Variants in KCNT1 observed in about 807,000 individuals in gnomAD.
The protein encoded by KCNT1 is potassium channel subfamily T member 1.
A neutral mutation model predicts 147.8 loss-of-function variants in KCNT1; 78 were observed. That is an observed-to-expected ratio of 0.53 (90% CI 0.44 to 0.64). KCNT1 has a LOEUF of 0.64. Ranked by LOEUF, KCNT1 falls within the 30% of genes least tolerant of loss-of-function variation. KCNT1 has a pLI of 0.00. For missense variants in KCNT1, 1,419 were observed against 1,750.3 expected (o/e 0.81, Z 3.38); for synonymous variants, 867 against 748.8 (o/e 1.16, Z -2.58).
At chr9:135,768,346 G>T in intron 13 of KCNT1, 1 of 116,650 alleles carries the variant, frequency 8.6e-6, no homozygotes, top group Non-Finnish European at 1.5e-5. Flanking sequence ...ATGTGGGTTG[G>T]GGGGGGGGGG....
In KCNT1 at chr9:135,749,645, C is replaced by T. The variant is rs550740829; in HGVS notation, c.255-453C>T. ...GCGGCCTCCAGACAGAGCAGCTGAC[C>T]ATCAGCTGTGGACAGCCTGTATGAC... is the stretch of plus-strand genomic sequence containing the variant. On this transcript the variant is annotated intron_variant, in intron 2 of 30. Coordinates refer to ENST00000371757, the MANE Select transcript of KCNT1 (RefSeq NM_020822.3). 3.3e-5 allele frequency among the ~76,000 whole-genome samples: 5 copies of T among 152,362 alleles called. No individual in the cohort carries two copies. In the East Asian group the frequency reaches 9.6e-4, roughly 29 times the overall value.
intron 7 of KCNT1, 35 bp downstream of exon 7, chr9:135,756,967 GTCCCCACCCTCCCCACCC>G (rs141511626): frequency 5.6e-6 from 7 of 1,239,818 alleles, no homozygotes; most frequent in South Asian, 2.6e-5. Context: ...CTCACAGGGG[GTCCCCACCCTCCCCACCC>G]TCCCCAGCCT....
At chr9:135,721,166 A>G (rs989332679) in intron 2 of KCNT1, among the ~76,000 whole-genome samples, 1 of 151,888 alleles carries the variant, frequency 6.6e-6, no homozygotes, top group Non-Finnish European at 1.5e-5. Context: ...GTGGCCCCCA[A>G]CGCTCTCGGC....
intron 2 of KCNT1, among the ~76,000 whole-genome samples, chr9:135,746,390 G>A (rs957232135): frequency 2.0e-5 from 3 of 152,236 alleles, no homozygotes; most frequent in Non-Finnish European, 4.4e-5. Flanking sequence ...TGTTTCTGGG[G>A]TGCCAGGAGG....
At chr9:135,771,273 GCAGGGCGGGAGA>G in intron 18 of KCNT1, 178 bp downstream of exon 18, 1 of 632,844 alleles carries the variant, frequency 1.6e-6, no homozygotes, top group Non-Finnish European at 2.7e-6. Context: ...GGGAGACCAG[GCAGGGCGGGAGA>G]CCAGGTGGGA....
intron 2 of KCNT1, among the ~76,000 whole-genome samples, chr9:135,746,189 C>T (rs1422909882): frequency 2.0e-5 from 3 of 152,226 alleles, no homozygotes; most frequent in East Asian, 3.9e-4. Flanking sequence ...TCTCTGGCAT[C>T]GCAGGCTCCA....
At position 135,752,214 on chromosome 9, in the gene KCNT1, GAGA is replaced by G; in HGVS notation, c.434+1176_434+1178del. On this transcript the variant is annotated intron_variant, in intron 4 of 30. Transcript: ENST00000371757. This position sits in a 1 kb window ranked among gnomAD's most constrained non-coding sequence, Gnocchi z 5.1. Reference sequence around the variant, plus strand: ...TGCGCAGAGCAGGTTCTTCCCTGGAGAGAAGGCCTGACTGCCGGGAGCCTGGCT... The same window carrying G: ...TGCGCAGAGCAGGTTCTTCCCTGGAGAGGCCTGACTGCCGGGAGCCTGGCT... 2 of 379,466 alleles carry G rather than the reference GAGA, an allele frequency of 5.3e-6. No homozygotes were observed. Among genetic ancestry groups the G allele is most frequent in the Non-Finnish European group, 1.0e-5 (2 of 192,472 alleles). 23.5% of individuals were successfully genotyped at this position (379,466 alleles called of 1,614,324 possible).
intron 2 of KCNT1, among the ~76,000 whole-genome samples, chr9:135,748,106 T>C (rs1214442267): frequency 6.6e-6 from 1 of 152,186 alleles, no homozygotes; most frequent in Non-Finnish European, 1.5e-5. Flanking sequence ...CATGCCTGGC[T>C]ACTTTTTATT....
intron 2 of KCNT1, among the ~76,000 whole-genome samples, chr9:135,736,115 GGGTGAGGACCCT>G (rs974827262): frequency 6.6e-6 from 1 of 152,202 alleles, no homozygotes; most frequent in Non-Finnish European, 1.5e-5. Context: ...AGGAATTGGG[GGGTGAGGACCCT>G]GGTGAGGACA....
Position 135,786,258 on chromosome 9 carries a change from G to GCTCCCGCGC in KCNT1, c.3240_3248dup (p.Ser1081_Ala1083dup). ...ACACGGGAAGTGAAGGGGCCCTGGGGCTCCCGCGCTGGCACCGGAGGCAGC... is the reference window on the plus strand; with the variant it reads ...ACACGGGAAGTGAAGGGGCCCTGGGGCTCCCGCGCCTCCCGCGCTGGCACCGGAGGCAGC... On this transcript the variant is annotated inframe_insertion, in exon 29 of 31. Coordinates refer to ENST00000371757, the MANE Select transcript of KCNT1 (RefSeq NM_020822.3). The GCTCCCGCGC allele has an allele frequency of 6.2e-6, 10 of 1,610,928 alleles. No individual in the cohort carries two copies. The highest frequency in any genetic ancestry group is 7.6e-6 in the Non-Finnish European group (9 of 1,179,308).
rs1324000032 is a variant in KCNT1, at chr9:135,779,383, C to T, written c.2754C>T (p.Thr918=). The change falls in exon 24 of 31, where the codon ACC becomes ACT. Residue 918 remains threonine, a synonymous_variant. Transcript: ENST00000371757. ...GGCTCTTCCCCAGCCTCAGCATCAC[C>T]ACGGAGCTCACCCACCCTTCCAACA... ...MFRLFPSLSI[T]TELTHPSNMR... The T allele has an allele frequency of 3.1e-6, 5 of 1,613,696 alleles. No homozygotes were observed. The highest frequency in any genetic ancestry group is 4.2e-6 in the Non-Finnish European group (5 of 1,179,914).
At chr9:135,783,885 C>G (rs1432519395) in intron 24 of KCNT1, 139 bp from the exon 25 acceptor site, 2 of 671,098 alleles carry the variant, frequency 3.0e-6, no homozygotes, top group African/African-American at 3.5e-5. Flanking sequence ...TACACGTGGA[C>G]ACACACACCA....
At position 135,749,804 on chromosome 9, in the gene KCNT1, G is replaced by A. The variant is rs11103160; in HGVS notation, c.255-294G>A. 0.12 allele frequency among the ~76,000 whole-genome samples: 18,540 copies of A among 152,218 alleles called. 1,302 individuals carry two copies. The highest frequency in any genetic ancestry group is 0.18 in the South Asian group (871 of 4,828). Reference sequence around the variant, plus strand: ...GGCGAGGGTGTGTGGAGTGAGTGCCGCACCCTGAGCCCCAACAGGGCGGCC... The same window carrying A: ...GGCGAGGGTGTGTGGAGTGAGTGCCACACCCTGAGCCCCAACAGGGCGGCC... On this transcript the variant is annotated intron_variant, in intron 2 of 30. Transcript: ENST00000371757.
chr9:135,753,082 GTGGA>G (rs1008922967), intron 4 of KCNT1, among the ~76,000 whole-genome samples: 1 of 151,142 alleles, frequency 6.6e-6, no homozygotes, highest in Non-Finnish European at 1.5e-5. Context: ...GGATGGATGA[GTGGA>G]TGGATGGAGG....
intron 2 of KCNT1, among the ~76,000 whole-genome samples, chr9:135,734,030 C>T (rs1006369355): frequency 1.3e-5 from 2 of 152,144 alleles, no homozygotes; most frequent in African/African-American, 4.8e-5. Context: ...CCCCTGTCCT[C>T]TGTCCAGCCC....
intron 2 of KCNT1, among the ~76,000 whole-genome samples, chr9:135,719,369 G>A (rs893074591): frequency 3.3e-5 from 5 of 152,204 alleles, no homozygotes; most frequent in African/African-American, 1.2e-4. Context: ...GCAGACTCTG[G>A]TCTGTGGCAG....
chr9:135,759,787 G>C lies in KCNT1; in HGVS notation c.963G>C (p.Thr321=), dbSNP rs760300415. 2 of 1,613,376 alleles carry C rather than the reference G, an allele frequency of 1.2e-6. No homozygotes were observed. The highest frequency in any genetic ancestry group is 4.5e-5 in the East Asian group (2 of 44,882). ...TFSTVGYGDV[T]PKIWPSQLLV... ...CCACCGTGGGCTACGGTGACGTCACGCCCAAGATCTGGCCATCGCAGCTGC... is the reference window on the plus strand; with the variant it reads ...CCACCGTGGGCTACGGTGACGTCACCCCCAAGATCTGGCCATCGCAGCTGC... The change falls in exon 11 of 31, where the codon ACG becomes ACC. Residue 321 remains threonine (T), a synonymous_variant. Transcript: ENST00000371757.
At chr9:135,747,064 C>T (rs1830867601) in intron 2 of KCNT1, among the ~76,000 whole-genome samples, 1 of 152,008 alleles carries the variant, frequency 6.6e-6, no homozygotes, top group Non-Finnish European at 1.5e-5. Context: ...TGGGAAGTCA[C>T]CCCTGCGTGG....
At chr9:135,736,007 G>A (rs1830322765) in intron 2 of KCNT1, among the ~76,000 whole-genome samples, 1 of 152,240 alleles carries the variant, frequency 6.6e-6, no homozygotes, top group South Asian at 2.1e-4. Flanking sequence ...GACCAGCGCT[G>A]CACACACACA....
Sources: allele counts gnomAD v4.1 joint callset (sites outside exome capture counted in the v4.1 genomes callset), GRCh38; gene constraint gnomAD v4.1.1; non-coding constraint Gnocchi (gnomAD v3.1); transcripts MANE v1.5; gene names NCBI Gene and HGNC (gene_info 2026-07-23, HGNC 2026-07-21).